Variants in PTPRD observed in about 807,000 individuals in gnomAD.
PTPRD encodes the protein receptor-type tyrosine-protein phosphatase delta.
PTPRD carries 34 observed loss-of-function variants against 214.5 expected under a neutral mutation model. The observed-to-expected ratio is 0.16, with a 90% confidence interval of 0.12 to 0.21. The LOEUF is 0.21. PTPRD is among the 10% of genes least tolerant of loss of function. The probability of loss-of-function intolerance (pLI) is 1.00; values close to 1 mark genes in which losing one functional copy is unlikely to be tolerated. For missense variants in PTPRD, 2,545 were observed against 2,398.7 expected (o/e 1.06, Z -1.27); for synonymous variants, 1,128 against 845.7 (o/e 1.33, Z -5.79).
intron 7 of PTPRD, among the ~76,000 whole-genome samples, chr9:9,588,247 A>C (rs1028752455): frequency 6.6e-6 from 1 of 151,896 alleles, no homozygotes; most frequent in Non-Finnish European, 1.5e-5. Context: ...TGGAAGACAG[A>C]AGGGAGAAAA....
chr9:9,751,080 T>C (rs1346285060), intron 6 of PTPRD, among the ~76,000 whole-genome samples: 1 of 152,136 alleles, frequency 6.6e-6, no homozygotes, highest in Non-Finnish European at 1.5e-5. Flanking sequence ...GGTTCTTGAA[T>C]GAAGATTCTA....
intron 5 of PTPRD, among the ~76,000 whole-genome samples, chr9:9,813,911 TG>T (rs2047945354): frequency 6.6e-6 from 1 of 152,108 alleles, no homozygotes; most frequent in Admixed American, 6.5e-5. Context: ...TCATTCACAA[TG>T]ATCAATTGGG....
chr9:10,061,860 A>C (rs1238022128), intron 3 of PTPRD, among the ~76,000 whole-genome samples: 1 of 152,046 alleles, frequency 6.6e-6, no homozygotes, highest in Non-Finnish European at 1.5e-5. Flanking sequence ...CTAACAGTAT[A>C]GTCTCTGGAC....
intron 2 of PTPRD, among the ~76,000 whole-genome samples, chr9:10,509,557 T>TTATATATATATATATA (rs3076461): frequency 0.012 from 1,235 of 106,500 alleles, 37 homozygotes; most frequent in South Asian, 0.014. Flanking sequence ...TTAATAAATA[T>TTATATATATATATATA]TATATATATA....
intron 5 of PTPRD, among the ~76,000 whole-genome samples, chr9:9,783,667 C>G (rs1045238727): frequency 6.6e-6 from 1 of 152,018 alleles, no homozygotes; most frequent in East Asian, 1.9e-4. Flanking sequence ...CTTTGTACCC[C>G]TTGTTGTCTC....
intron 10 of PTPRD, among the ~76,000 whole-genome samples, chr9:9,038,077 G>T (rs761657051): frequency 6.6e-6 from 1 of 152,138 alleles, no homozygotes; most frequent in South Asian, 2.1e-4. Flanking sequence ...CTACAGATTT[G>T]TTCCTTTCCC....
intron 5 of PTPRD, among the ~76,000 whole-genome samples, chr9:9,782,296 T>G (rs1021070404): frequency 1.3e-5 from 2 of 152,124 alleles, no homozygotes; most frequent in Admixed American, 6.5e-5. Context: ...AAGTCCTAAT[T>G]TAAATTATAA....
At chr9:9,461,738 G>T (rs1004552748) in intron 8 of PTPRD, among the ~76,000 whole-genome samples, 1 of 152,076 alleles carries the variant, frequency 6.6e-6, no homozygotes, top group Non-Finnish European at 1.5e-5. Flanking sequence ...TTATGGGCCA[G>T]ATTGAGGCAG....
At chr9:9,849,054 T>C (rs572867863) in intron 5 of PTPRD, among the ~76,000 whole-genome samples, 1 of 151,632 alleles carries the variant, frequency 6.6e-6, no homozygotes, top group Admixed American at 6.6e-5. Flanking sequence ...GTCACTTAAA[T>C]ACATAGACAC....
intron 11 of PTPRD, among the ~76,000 whole-genome samples, chr9:8,972,683 T>A (rs918490112): frequency 6.6e-6 from 1 of 151,994 alleles, no homozygotes; most frequent in African/African-American, 2.4e-5. Context: ...ATTTCCTTTT[T>A]CAGTAAGAAA....
chr9:10,465,645 C>G (rs973448309), intron 2 of PTPRD, among the ~76,000 whole-genome samples: 3 of 152,144 alleles, frequency 2.0e-5, no homozygotes, highest in African/African-American at 7.2e-5. Flanking sequence ...TTTATATACA[C>G]AAATACCTAC....
At chr9:9,432,294 T>C (rs1435341597) in intron 8 of PTPRD, among the ~76,000 whole-genome samples, 2 of 151,996 alleles carry the variant, frequency 1.3e-5, no homozygotes, top group Non-Finnish European at 2.9e-5. Flanking sequence ...AGCATGTCAG[T>C]TTCTAATTTA....
At chr9:8,872,408 T>A (rs911328846) in intron 11 of PTPRD, among the ~76,000 whole-genome samples, 1 of 152,172 alleles carries the variant, frequency 6.6e-6, no homozygotes, top group African/African-American at 2.4e-5. Context: ...CTCACATGAT[T>A]GAGTATTTTT....
intron 11 of PTPRD, among the ~76,000 whole-genome samples, chr9:8,847,685 A>T (rs1032154742): frequency 1.3e-5 from 2 of 152,234 alleles, no homozygotes; most frequent in Non-Finnish European, 2.9e-5. Context: ...TTATAAAATC[A>T]TAATCAGAAA....
chr9:8,956,617 G>C lies in PTPRD; in HGVS notation c.-104+62080C>G, dbSNP rs566625190. Among the ~76,000 whole-genome samples, 8 of 151,884 alleles carry C rather than the reference G, an allele frequency of 5.3e-5. No individual in the cohort carries two copies. The South Asian group carries it at 1.7e-3, about 32-fold the overall frequency. ...TGCTGGATTGTATTTTTAAAAGTCA[G>C]GATCAAGGATTGGAGCTATGTAACA... On this transcript the variant is annotated intron_variant, in intron 11 of 45. Transcript: ENST00000381196.
intron 11 of PTPRD, among the ~76,000 whole-genome samples, chr9:8,896,758 G>T (rs561823969): frequency 6.6e-6 from 1 of 152,100 alleles, no homozygotes; most frequent in Non-Finnish European, 1.5e-5. Flanking sequence ...CAATTAATTT[G>T]TACAGTGCTA....
At chr9:9,071,682 T>G (rs1224122061) in intron 10 of PTPRD, among the ~76,000 whole-genome samples, 1 of 151,994 alleles carries the variant, frequency 6.6e-6, no homozygotes, top group Admixed American at 6.6e-5. Flanking sequence ...TTTTCCCCAA[T>G]CAAACCTACA....
At chr9:9,945,408 C>T (rs569223654) in intron 4 of PTPRD, among the ~76,000 whole-genome samples, 6 of 152,176 alleles carry the variant, frequency 3.9e-5, no homozygotes, top group Non-Finnish European at 8.8e-5. Flanking sequence ...CTTGGGTAGT[C>T]CAACTTTTAG....
At chr9:8,825,644 G>C (rs1196877938) in intron 11 of PTPRD, among the ~76,000 whole-genome samples, 1 of 152,206 alleles carries the variant, frequency 6.6e-6, no homozygotes, top group African/African-American at 2.4e-5. Context: ...AGTGTAAAGT[G>C]AAAGTAAGTT....
Sources: allele counts gnomAD v4.1 joint callset (sites outside exome capture counted in the v4.1 genomes callset), GRCh38; gene constraint gnomAD v4.1.1; transcripts MANE v1.5; gene names NCBI Gene and HGNC (gene_info 2026-07-23, HGNC 2026-07-21).